RAPH1: variants seen among roughly 807,000 people sequenced by gnomAD.
RAPH1 encodes Ras association (RalGDS/AF-6) and pleckstrin homology domains 1.
Under a neutral mutation model 88.1 loss-of-function variants are expected in RAPH1, and 18 were observed. The observed-to-expected ratio is 0.20, with a 90% CI of 0.14 to 0.30. RAPH1 has a LOEUF of 0.30. RAPH1 is among the 10% of genes least tolerant of loss of function. The pLI is 1.00. For synonymous variants in RAPH1, 587 were observed against 559.0 expected (o/e 1.05, Z -0.71); for missense variants, 1,448 against 1,543.2 (o/e 0.94, Z 1.03).
intron 4 of RAPH1, among the ~76,000 whole-genome samples, chr2:203,472,140 TTTA>T (rs1203992156): frequency 1.3e-5 from 2 of 151,084 alleles, no homozygotes; most frequent in African/African-American, 4.9e-5. Context: ...TTTTTTTTTT[TTTA>T]TTTTTTTGAG....
intron 1 of RAPH1, among the ~76,000 whole-genome samples, chr2:203,506,788 A>ATATCTATC (rs1689047936): frequency 8.1e-6 from 1 of 124,056 alleles, no homozygotes; most frequent in Admixed American, 8.6e-5. Context: ...ATCTAGATAT[A>ATATCTATC]TATATCTATA....
chr2:203,535,082 T>G (rs1415923687), intron 1 of RAPH1, 29 bp downstream of exon 1: 2 of 150,998 alleles, frequency 1.3e-5, no homozygotes, highest in Non-Finnish European at 3.0e-5. Context: ...CCCTACCCCC[T>G]GGCCCCGAGG....
rs1458487915 is a variant in RAPH1, at chr2:203,438,059, C to G, written c.*1378G>C. The G allele has an allele frequency of 2.1e-6, 1 of 484,298 alleles. No homozygotes were observed. The highest frequency in any genetic ancestry group is 2.0e-5 in the African/African-American group (1 of 51,202). The allele number at this position is 484,298 out of a possible 1,614,324, so 30.0% of individuals were successfully genotyped here. ...ATAGTGTGTCGTTAGAGCACTGACT[C>G]CACGTTATACCAAACTGCACACGCA... On this transcript the variant is annotated 3_prime_UTR_variant, in exon 14 of 14. Coordinates refer to ENST00000319170, the MANE Select transcript of RAPH1 (RefSeq NM_213589.3).
chr2:203,530,555 T>G (rs1475701604), intron 1 of RAPH1, among the ~76,000 whole-genome samples: 1 of 152,102 alleles, frequency 6.6e-6, no homozygotes, highest in African/African-American at 2.4e-5. Context: ...ACCCCCAAAA[T>G]TAGCCACGTA....
chr2:203,513,532 CAAAAAA>C (rs34083519), intron 1 of RAPH1, among the ~76,000 whole-genome samples: 1 of 41,942 alleles, frequency 2.4e-5, no homozygotes, highest in Non-Finnish European at 4.7e-5. Context: ...GACTCTATTT[CAAAAAA>C]AAAAAAAAAA....
At chr2:203,445,114 TA>T in intron 12 of RAPH1, 104 bp from the exon 13 acceptor site, 1 of 929,312 alleles carries the variant, frequency 1.1e-6, no homozygotes. Context: ...AAGTGCTGTG[TA>T]CAACAGCACC....
At chr2:203,442,337 C>A in intron 13 of RAPH1, 1 of 328,056 alleles carries the variant, frequency 3.0e-6, no homozygotes, top group Non-Finnish European at 5.5e-6. Flanking sequence ...AAAGGAAGGA[C>A]CCTTGTTTTA....
At chr2:203,492,774 CTTTT>C (rs34762923) in intron 2 of RAPH1, among the ~76,000 whole-genome samples, 1 of 144,874 alleles carries the variant, frequency 6.9e-6, no homozygotes. Context: ...ATAATGCTAT[CTTTT>C]TTTTTTTTTT....
rs1288742549 is a variant in RAPH1 at position 203,437,775 on chromosome 2, T to G, written c.*1662A>C. On this transcript the variant is annotated 3_prime_UTR_variant, in exon 14 of 14. Coordinates refer to ENST00000319170, the MANE Select transcript of RAPH1 (RefSeq NM_213589.3). ...TTATTTACCATCTCTTCCCCCACTT[T>G]ACTGGCATCACTTTTTCCTTGTGGG... The G allele has an allele frequency of 2.1e-5, 4 of 191,260 alleles. No homozygotes were observed. Among genetic ancestry groups the G allele is most frequent in the Admixed American group, 5.9e-5 (1 of 16,828 alleles). 11.8% of individuals were successfully genotyped at this position (191,260 alleles called of 1,614,324 possible). A position where few individuals can be genotyped will look rare whatever the true frequency, so the allele number is the denominator to read the frequency against.
At chr2:203,452,877 G>C (rs538407009) in intron 10 of RAPH1, among the ~76,000 whole-genome samples, 1 of 152,120 alleles carries the variant, frequency 6.6e-6, no homozygotes, top group East Asian at 1.9e-4. Context: ...GAACCCGGGA[G>C]GCAGAGGTTG....
chr2:203,441,244 A>T lies in RAPH1; in HGVS notation c.1946T>A (p.Leu649His). 1 of 534,456 alleles carries T rather than the reference A, an allele frequency of 1.9e-6. No individual in the cohort carries two copies. Among genetic ancestry groups the T allele is most frequent in the Admixed American group, 5.0e-5 (1 of 19,840 alleles). 33.1% of individuals were successfully genotyped at this position (534,456 alleles called of 1,614,324 possible). Reference protein sequence around the residue: ...PPPPPPPPPPLPSQSAPSAGS... With the variant: ...PPPPPPPPPPHPSQSAPSAGS... ...TGCAGAAGGTGCAGACTGGCTGGGG[A>T]GTGGGGGAGGAGGGGGTGGTGGAGG... is the stretch of plus-strand genomic sequence containing the variant. Residue 649 changes from leucine (L) to histidine (H), a missense_variant, in exon 14 of 14, where the codon CTC becomes CAC. Coordinates refer to ENST00000319170, the MANE Select transcript of RAPH1 (RefSeq NM_213589.3).
At chr2:203,526,168 A>G (rs1171316527) in intron 1 of RAPH1, among the ~76,000 whole-genome samples, 1 of 152,226 alleles carries the variant, frequency 6.6e-6, no homozygotes. Flanking sequence ...ATAAGCCTAT[A>G]ATTTCGACTG....
At chr2:203,506,808 ATATCTATATATC>A (rs1297145304) in intron 1 of RAPH1, among the ~76,000 whole-genome samples, 8 of 99,698 alleles carry the variant, frequency 8.0e-5, no homozygotes, top group Middle Eastern at 4.3e-3. Context: ...ATATATATCT[ATATCTATATATC>A]TATATATATA....
intron 4 of RAPH1, among the ~76,000 whole-genome samples, chr2:203,475,016 C>T (rs573075064): frequency 2.6e-5 from 4 of 152,256 alleles, no homozygotes; most frequent in Middle Eastern, 3.4e-3. Context: ...GACGCTGAGG[C>T]GGGAGAATCG....
At chr2:203,457,860 T>C (rs1353783611) in intron 7 of RAPH1, among the ~76,000 whole-genome samples, 1 of 152,192 alleles carries the variant, frequency 6.6e-6, no homozygotes, top group African/African-American at 2.4e-5. Context: ...GAGGTGGTAT[T>C]ACATTCAACA....
chr2:203,506,873 T>TATCTATATAG (rs1689098620), intron 1 of RAPH1, among the ~76,000 whole-genome samples: 2 of 105,412 alleles, frequency 1.9e-5, no homozygotes, highest in Admixed American at 1.0e-4. Flanking sequence ...TATATATATA[T>TATCTATATAG]ATATATAGAT....
intron 13 of RAPH1, chr2:203,443,600 T>G (rs2098506273): frequency 6.6e-6 from 1 of 151,558 alleles, no homozygotes; most frequent in Non-Finnish European, 1.5e-5. Flanking sequence ...AAGTATAATT[T>G]GAAAAAATTC....
intron 1 of RAPH1, among the ~76,000 whole-genome samples, chr2:203,522,168 T>C (rs1286922994): frequency 6.6e-6 from 1 of 152,212 alleles, no homozygotes; most frequent in African/African-American, 2.4e-5. Context: ...ACTTCTACTT[T>C]TGCATAACAA....
intron 4 of RAPH1, among the ~76,000 whole-genome samples, chr2:203,484,668 G>A (rs1017992370): frequency 2.6e-5 from 4 of 152,220 alleles, no homozygotes; most frequent in African/African-American, 9.6e-5. Flanking sequence ...TTTATATCGT[G>A]TAACCTCAGA....
Sources: gnomAD v4.1 joint callset for allele counts (sites outside exome capture counted in the v4.1 genomes callset) on GRCh38, gnomAD v4.1.1 for gene constraint, MANE v1.5 for transcripts, NCBI Gene and HGNC (gene_info 2026-07-23, HGNC 2026-07-21) for gene names.